The following CADPS2 variants were observed in gnomAD, a reference collection of about 807,000 sequenced individuals.
CADPS2 encodes calcium dependent secretion activator 2.
A neutral mutation model predicts 172.5 loss-of-function variants in CADPS2; 93 were observed. The ratio of observed to expected loss-of-function variants is 0.54; its 90% CI spans 0.46 to 0.64. CADPS2 has a LOEUF of 0.64. CADPS2 is among the 30% of genes least tolerant of loss of function. The pLI is 0.00. For synonymous variants in CADPS2, 546 were observed against 555.2 expected, an observed-to-expected ratio of 0.98 and a Z score of 0.23; for missense variants, 1,420 against 1,565.9, an observed-to-expected ratio of 0.91 and a Z score of 1.57.
At chr7:122,415,354 G>GT (rs1352375977) in intron 18 of CADPS2, among the ~76,000 whole-genome samples, 1 of 152,044 alleles carries the variant, frequency 6.6e-6, no homozygotes, top group Non-Finnish European at 1.5e-5. Context: ...ATGCAGCATT[G>GT]TAAGACGGGT....
chr7:122,766,480 C>T (rs2093555109), intron 1 of CADPS2, among the ~76,000 whole-genome samples: 1 of 152,100 alleles, frequency 6.6e-6, no homozygotes, highest in Non-Finnish European at 1.5e-5. Context: ...ATTTAGTTCA[C>T]TCCCCACACG....
intron 1 of CADPS2, among the ~76,000 whole-genome samples, chr7:122,868,037 T>C (rs1429140786): frequency 1.3e-5 from 2 of 152,060 alleles, no homozygotes; most frequent in African/African-American, 4.8e-5. Context: ...CTGCTTGCCT[T>C]AATGCCAGAG....
intron 25 of CADPS2, 111 bp downstream of exon 25, chr7:122,379,257 C>T: frequency 1.5e-6 from 1 of 654,892 alleles, no homozygotes; most frequent in East Asian, 3.1e-5. Flanking sequence ...TTTTTCCTGC[C>T]CTAATCTTTT....
At chr7:122,457,994 T>C (rs1039971164) in intron 14 of CADPS2, among the ~76,000 whole-genome samples, 3 of 152,174 alleles carry the variant, frequency 2.0e-5, no homozygotes, top group African/African-American at 7.2e-5. Context: ...GTCCTGGAAA[T>C]CTGGTGGTTT....
chr7:122,856,117 G>A (rs1815121677), intron 1 of CADPS2, among the ~76,000 whole-genome samples: 1 of 152,308 alleles, frequency 6.6e-6, no homozygotes, highest in South Asian at 2.1e-4. Context: ...TGCTAGGGAT[G>A]GAAGAGCAGG....
At chr7:122,477,952 A>C (rs1219978210) in intron 12 of CADPS2, among the ~76,000 whole-genome samples, 1 of 152,148 alleles carries the variant, frequency 6.6e-6, no homozygotes, top group African/African-American at 2.4e-5. Context: ...GCCATCTTTC[A>C]CTTTAAAGTT....
chr7:122,575,126 G>C (rs775647671), intron 7 of CADPS2, among the ~76,000 whole-genome samples: 2 of 150,966 alleles, frequency 1.3e-5, no homozygotes, highest in Non-Finnish European at 3.0e-5. Context: ...CCAGAATAAA[G>C]AACATTTTAT....
intron 6 of CADPS2, among the ~76,000 whole-genome samples, chr7:122,586,088 A>C (rs192134681): frequency 6.6e-6 from 1 of 152,126 alleles, no homozygotes; most frequent in African/African-American, 2.4e-5. Context: ...CTATTTTGCT[A>C]CTTTATAATG....
intron 6 of CADPS2, among the ~76,000 whole-genome samples, chr7:122,608,180 C>T (rs2073833461): frequency 6.7e-6 from 1 of 150,028 alleles, no homozygotes; most frequent in South Asian, 2.1e-4. Flanking sequence ...TGCACCATTG[C>T]ACTCCAGCCT....
intron 22 of CADPS2, among the ~76,000 whole-genome samples, chr7:122,390,053 AC>A (rs1288921588): frequency 6.6e-6 from 1 of 151,952 alleles, no homozygotes; most frequent in East Asian, 1.9e-4. Flanking sequence ...TCACAAACCT[AC>A]ACTGCTTTTC....
chr7:122,461,372 T>A (rs565635459), intron 14 of CADPS2, among the ~76,000 whole-genome samples: 1 of 152,052 alleles, frequency 6.6e-6, no homozygotes, highest in Admixed American at 6.5e-5. Context: ...TCAGGGTAAA[T>A]AAAAAGAAAT....
chr7:122,424,873 T>C (rs546439944), intron 17 of CADPS2, among the ~76,000 whole-genome samples: 91 of 151,360 alleles, frequency 6.0e-4, no homozygotes, highest in Non-Finnish European at 1.0e-3. Context: ...TGCTGTCTAC[T>C]TACTTTGCTC....
At position 122,663,338 on chromosome 7, in the gene CADPS2, C is replaced by G. The variant is rs1461327845; in HGVS notation, c.685G>C (p.Val229Leu). 2 of 1,613,842 alleles carry G rather than the reference C, an allele frequency of 1.2e-6. No individual in the cohort carries two copies. Among genetic ancestry groups the G allele is most frequent in the East Asian group, 4.5e-5 (2 of 44,884 alleles). Residue 229 changes from valine to leucine, a missense_variant, in exon 3 of 30, where the codon GTG (valine) becomes CTG (leucine). Transcript: ENST00000449022. ...KQPNRMALSA[V>L]SELILSKEQL... ...TCCTTGCTCAGAATAAGTTCAGACA[C>G]TGCACTTAGGGCCATTCTATTTGGC...
chr7:122,341,380 TA>T (rs952022836), intron 28 of CADPS2, among the ~76,000 whole-genome samples: 9 of 150,142 alleles, frequency 6.0e-5, no homozygotes, highest in South Asian at 2.1e-4. Context: ...ACATTAAAAC[TA>T]AAAAAAAAAT....
chr7:122,404,942 C>G (rs1010589220), intron 20 of CADPS2, among the ~76,000 whole-genome samples: 1 of 151,692 alleles, frequency 6.6e-6, no homozygotes, highest in Non-Finnish European at 1.5e-5. Context: ...CTGGCTAGCA[C>G]GGTGAAACCC....
chr7:122,447,838 C>A (rs2052499679), intron 15 of CADPS2, among the ~76,000 whole-genome samples: 1 of 151,990 alleles, frequency 6.6e-6, no homozygotes, highest in African/African-American at 2.4e-5. Context: ...CAAGTGTGAG[C>A]CACTGCACCC....
chr7:122,650,851 A>G (rs546821733), intron 3 of CADPS2, among the ~76,000 whole-genome samples: 73 of 152,256 alleles, frequency 4.8e-4, no homozygotes, highest in Admixed American at 2.7e-3. Flanking sequence ...AATCCATCCA[A>G]TTTACATTAT....
rs190837156 is a variant in CADPS2 at position 122,524,635 on chromosome 7, A to G, written c.1476-11320T>C. 2.1e-3 allele frequency among the ~76,000 whole-genome samples: 321 copies of G among 152,316 alleles called. 5 individuals carry two copies. Among genetic ancestry groups the G allele is most frequent in the African/African-American group, 7.3e-3 (304 of 41,580 alleles). ...GGTAGGGGAGAATAGTGTATGTGGT[A>G]TCTCCAAAAGTGCAGAATATTTTCC... is the stretch of plus-strand genomic sequence containing the variant. On this transcript the variant is annotated intron_variant, in intron 8 of 29. Coordinates refer to ENST00000449022, the MANE Select transcript of CADPS2 (RefSeq NM_017954.11).
chr7:122,862,886 T>C (rs1817322224), intron 1 of CADPS2, among the ~76,000 whole-genome samples: 1 of 152,160 alleles, frequency 6.6e-6, no homozygotes, highest in Non-Finnish European at 1.5e-5. Flanking sequence ...AACACTTAGA[T>C]ATAACTAGTC....
Sources: allele counts gnomAD v4.1 joint callset (sites outside exome capture counted in the v4.1 genomes callset), GRCh38; gene constraint gnomAD v4.1.1; transcripts MANE v1.5; gene names NCBI Gene and HGNC (gene_info 2026-07-23, HGNC 2026-07-21).